CCDC102B: variants seen among roughly 807,000 people sequenced by gnomAD.
The protein encoded by CCDC102B is coiled-coil domain containing 102B.
Under a neutral mutation model 57.4 loss-of-function variants are expected in CCDC102B, and 75 were observed. The observed-to-expected ratio is 1.31, with a 90% CI of 1.08 to 1.58. The LOEUF (loss-of-function observed/expected upper bound fraction) is 1.58, where lower values mean the gene tolerates loss of function less well. Among genes scored for constraint, CCDC102B ranks in the 40% most tolerant of loss-of-function variants. The pLI is 0.00. For synonymous variants in CCDC102B, 206 were observed against 201.9 expected (o/e 1.02, Z -0.17); for missense variants, 636 against 582.6 (o/e 1.09, Z -0.94).
intron 6 of CCDC102B, among the ~76,000 whole-genome samples, chr18:68,988,783 TATAGAG>T (rs1462659578): frequency 6.6e-6 from 1 of 152,212 alleles, no homozygotes; most frequent in Admixed American, 6.5e-5. Context: ...TTGCATGGAC[TATAGAG>T]ATAGTTTGGA....
At chr18:68,809,650 G>C (rs1235552597) in intron 1 of CCDC102B, among the ~76,000 whole-genome samples, 1 of 151,968 alleles carries the variant, frequency 6.6e-6, no homozygotes, top group Non-Finnish European at 1.5e-5. Flanking sequence ...ATAATCAAAG[G>C]TAAGCTCCAT....
At chr18:68,889,967 G>A (rs1367216954) in intron 5 of CCDC102B, among the ~76,000 whole-genome samples, 7 of 152,090 alleles carry the variant, frequency 4.6e-5, no homozygotes, top group Non-Finnish European at 1.0e-4. Flanking sequence ...TTTCCTCGCA[G>A]CAGCACTGAC....
intron 7 of CCDC102B, among the ~76,000 whole-genome samples, chr18:69,025,960 T>C (rs1006033275): frequency 6.6e-5 from 10 of 151,972 alleles, no homozygotes; most frequent in African/African-American, 1.7e-4. Flanking sequence ...CTACAAGGGG[T>C]GCCTATGTGA....
intron 1 of CCDC102B, among the ~76,000 whole-genome samples, chr18:68,801,223 A>T (rs114307299): frequency 0.011 from 1,736 of 152,204 alleles, 32 homozygotes; most frequent in African/African-American, 0.04. Flanking sequence ...CATTCTAAGA[A>T]TATATTCTAT....
intron 2 of CCDC102B, among the ~76,000 whole-genome samples, chr18:68,765,353 G>GA (rs1250958129): frequency 1.7e-5 from 2 of 119,458 alleles, no homozygotes; most frequent in African/African-American, 3.2e-5. Flanking sequence ...AAGAAAGAAA[G>GA]AAAGAAAGAA....
At chr18:68,875,100 AT>A (rs1675134542) in intron 5 of CCDC102B, 4 of 172,364 alleles carry the variant, frequency 2.3e-5, no homozygotes, top group Admixed American at 1.8e-4. Context: ...GTGTTCATTT[AT>A]TTTCAGAACC....
rs186301314 is a variant in CCDC102B at position 68,894,652 on chromosome 18, A to T, written c.1054-2567A>T. ...GGAAAAGAATGATGTGATAAGAAAC[A>T]GTTTTACAAAATAAAAACTAAAACT... On this transcript the variant is annotated intron_variant, in intron 5 of 7. Coordinates refer to ENST00000360242, the MANE Select transcript of CCDC102B (RefSeq NM_024781.3). Among the ~76,000 whole-genome samples, 231 of 151,996 alleles carry T rather than the reference A, an allele frequency of 1.5e-3. 1 individual carries two copies. Among genetic ancestry groups the T allele is most frequent in the African/African-American group, 5.3e-3 (220 of 41,558 alleles).
chr18:69,013,493 C>A (rs1306088699), intron 7 of CCDC102B, among the ~76,000 whole-genome samples: 1 of 152,012 alleles, frequency 6.6e-6, no homozygotes, highest in Admixed American at 6.6e-5. Flanking sequence ...ATCCATGTAA[C>A]AAAATTACAC....
intron 2 of CCDC102B, among the ~76,000 whole-genome samples, chr18:68,790,365 G>A (rs1456035290): frequency 1.3e-5 from 2 of 151,462 alleles, no homozygotes; most frequent in Non-Finnish European, 2.9e-5. Context: ...CACCCAGTTC[G>A]AGCTTCTGGG....
At chr18:68,911,751 C>CAAAA (rs74175338) in intron 6 of CCDC102B, among the ~76,000 whole-genome samples, 591 of 17,968 alleles carry the variant, frequency 0.033, 90 homozygotes, top group African/African-American at 0.079. Flanking sequence ...GACTCCGTCT[C>CAAAA]AAAAAAAAAA....
chr18:68,898,346 T>C (rs1005332914), intron 6 of CCDC102B, among the ~76,000 whole-genome samples: 1 of 152,128 alleles, frequency 6.6e-6, no homozygotes, highest in African/African-American at 2.4e-5. Context: ...TTCATCATTC[T>C]TTCATGAATC....
intron 6 of CCDC102B, among the ~76,000 whole-genome samples, chr18:68,928,861 A>G (rs1474183719): frequency 6.6e-6 from 1 of 151,802 alleles, no homozygotes; most frequent in Admixed American, 6.6e-5. Context: ...GTAGGGCAAG[A>G]AAGTAGTTGA....
intron 6 of CCDC102B, among the ~76,000 whole-genome samples, chr18:68,984,263 A>G (rs1239349905): frequency 6.6e-6 from 1 of 152,012 alleles, no homozygotes; most frequent in Admixed American, 6.6e-5. Flanking sequence ...CATAGCCCCT[A>G]CAGTTTCAAA....
intron 2 of CCDC102B, among the ~76,000 whole-genome samples, chr18:68,762,523 A>G (rs911219853): frequency 3.3e-5 from 5 of 152,096 alleles, no homozygotes; most frequent in African/African-American, 1.2e-4. Flanking sequence ...GTGTTCAGGT[A>G]ACCCTTGTTT....
intron 2 of CCDC102B, chr18:68,754,096 A>G (rs1385851955): frequency 1.3e-5 from 2 of 152,202 alleles, no homozygotes; most frequent in African/African-American, 4.8e-5. Context: ...CCTTTGGAAA[A>G]CAGAAAAACA....
rs1163539787 is a variant in CCDC102B, at chr18:68,897,284, G to T, written c.1119G>T (p.Lys373Asn). The T allele has an allele frequency of 2.5e-6, 4 of 1,613,016 alleles. No homozygotes were observed. The Admixed American group carries it at 6.7e-5, about 27-fold the overall frequency. The part of the protein sequence containing the change: ...WDKREILERE[K>N]QGLERENRRL... ...AGAGGGAAATACTTGAAAGAGAAAA[G>T]CAGGGACTGGAGAGAGAAAATAGAA... Residue 373 changes from lysine (K) to asparagine (N), a missense_variant, in exon 6 of 8, where the codon AAG (lysine) becomes AAT (asparagine). Transcript: ENST00000360242.
intron 2 of CCDC102B, among the ~76,000 whole-genome samples, chr18:68,762,580 G>T (rs929824561): frequency 1.3e-4 from 20 of 152,038 alleles, no homozygotes; most frequent in African/African-American, 4.8e-4. Flanking sequence ...AGTGATGATG[G>T]TAATTTAGAT....
intron 1 of CCDC102B, among the ~76,000 whole-genome samples, chr18:68,824,912 A>T (rs1421428926): frequency 6.6e-6 from 1 of 152,202 alleles, no homozygotes; most frequent in Admixed American, 6.5e-5. Flanking sequence ...CACTCCATAA[A>T]TAAAAACTGG....
chr18:68,741,706 CACACACA>C (rs779836351), intron 2 of CCDC102B, among the ~76,000 whole-genome samples: 54 of 117,714 alleles, frequency 4.6e-4, no homozygotes, highest in Admixed American at 9.3e-4. Context: ...CACACACACA[CACACACA>C]CCCCAAGACA....
Sources: allele counts gnomAD v4.1 joint callset (sites outside exome capture counted in the v4.1 genomes callset), GRCh38; gene constraint gnomAD v4.1.1; transcripts MANE v1.5; gene names NCBI Gene and HGNC (gene_info 2026-07-23, HGNC 2026-07-21).